Variants in GALNT2 observed in about 807,000 individuals in gnomAD.
The protein encoded by GALNT2 is UDP-GalNAc:polypeptide N-acetylgalactosaminyltransferase 2.
Under a neutral mutation model 81.4 loss-of-function variants are expected in GALNT2, and 31 were observed. The observed-to-expected ratio is 0.38, with a 90% confidence interval of 0.29 to 0.51. The LOEUF (loss-of-function observed/expected upper bound fraction) is 0.51. GALNT2 is among the 20% of genes least tolerant of loss of function. The pLI is 0.87. For synonymous variants in GALNT2, 303 were observed against 287.4 expected (o/e 1.05, Z -0.55); for missense variants, 629 against 765.7 (o/e 0.82, Z 2.11).
chr1:230,152,307 C>G (rs1662116020), intron 1 of GALNT2, among the ~76,000 whole-genome samples: 1 of 152,176 alleles, frequency 6.6e-6, no homozygotes, highest in South Asian at 2.1e-4. Context: ...GGCTTGGAAC[C>G]ATGGCCTGTA....
chr1:230,189,876 T>C (rs1663461136), intron 2 of GALNT2, among the ~76,000 whole-genome samples: 1 of 152,242 alleles, frequency 6.6e-6, no homozygotes, highest in Non-Finnish European at 1.5e-5. Flanking sequence ...GTCCCTCATA[T>C]GAGTGCAGCC....
Position 230,243,576 on chromosome 1 carries a change from A to AT in GALNT2, c.729+149_729+150insT. On this transcript the variant is annotated intron_variant, in intron 7 of 15. Coordinates refer to ENST00000366672, the MANE Select transcript of GALNT2 (RefSeq NM_004481.5). The surrounding 1 kb of genome is among the most constrained non-coding windows in gnomAD (Gnocchi z 4.2). ...CTCGCCGTCTGCAGTTTTCCTTGAT[A>AT]GAAGGAAAATGCCTTTGGGGCATTG... 3 of 1,010,996 alleles carry AT rather than the reference A, an allele frequency of 3.0e-6. No homozygotes were observed. The highest frequency in any genetic ancestry group is 4.1e-6 in the Non-Finnish European group (3 of 730,382). 62.6% of individuals were successfully genotyped at this position (1,010,996 alleles called of 1,614,324 possible).
At chr1:230,138,960 T>C (rs1661641387) in intron 1 of GALNT2, among the ~76,000 whole-genome samples, 1 of 152,302 alleles carries the variant, frequency 6.6e-6, no homozygotes, top group African/African-American at 2.4e-5. Flanking sequence ...TCTTATCCTG[T>C]GACTGAGAAC....
chr1:230,269,237 G>C (rs1356261601), intron 14 of GALNT2, among the ~76,000 whole-genome samples: 1 of 147,814 alleles, frequency 6.8e-6, no homozygotes, highest in African/African-American at 2.5e-5. Context: ...CCAGGCTGGA[G>C]TGCAGTGGTG....
rs117178945 is a variant in GALNT2, at chr1:230,158,372, T to C, written c.127-19846T>C. Among the ~76,000 whole-genome samples, 75 of 152,366 alleles carry C rather than the reference T, an allele frequency of 4.9e-4. No homozygotes were observed. The East Asian group carries it at 0.014, about 28-fold the overall frequency. ...AGCTTAGACCTGATTACATTATATA[T>C]GCACTGTCTTTTCTCAGAGATGGGG... On this transcript the variant is annotated intron_variant, in intron 1 of 15. Coordinates refer to ENST00000366672, the MANE Select transcript of GALNT2 (RefSeq NM_004481.5).
intron 3 of GALNT2, among the ~76,000 whole-genome samples, chr1:230,226,310 T>C (rs1664707751): frequency 2.0e-5 from 3 of 152,230 alleles, no homozygotes; most frequent in Non-Finnish European, 1.5e-5. Flanking sequence ...ATTCACCGCC[T>C]CTATTGCATC....
intron 2 of GALNT2, among the ~76,000 whole-genome samples, chr1:230,194,052 A>C (rs1169681091): frequency 1.3e-5 from 2 of 152,186 alleles, no homozygotes; most frequent in Non-Finnish European, 2.9e-5. Flanking sequence ...ACCAGGAAAA[A>C]ACAGATTCTG....
At chr1:230,187,317 C>G (rs187205272) in intron 2 of GALNT2, among the ~76,000 whole-genome samples, 1 of 152,368 alleles carries the variant, frequency 6.6e-6, no homozygotes, top group Non-Finnish European at 1.5e-5. Flanking sequence ...TATTGCCGTA[C>G]AGATTTATTG....
chr1:230,246,300 G>T, intron 8 of GALNT2, 150 bp downstream of exon 8: 1 of 647,454 alleles, frequency 1.5e-6, no homozygotes, highest in Non-Finnish European at 2.8e-6. Context: ...TGCTTAACGA[G>T]TAGGACTTCA....
intron 3 of GALNT2, among the ~76,000 whole-genome samples, chr1:230,224,351 G>A (rs908052376): frequency 6.6e-6 from 1 of 152,228 alleles, no homozygotes; most frequent in African/African-American, 2.4e-5. Flanking sequence ...TAGTCTCTCT[G>A]AAATGACTCT....
intron 3 of GALNT2, among the ~76,000 whole-genome samples, chr1:230,225,305 A>T (rs150003348): frequency 0.048 from 7,373 of 152,286 alleles, 211 homozygotes; most frequent in Non-Finnish European, 0.064. Context: ...TTCTGTAGAC[A>T]CCATAGCAAC....
At chr1:230,081,126 A>G (rs1659714645) in intron 1 of GALNT2, among the ~76,000 whole-genome samples, 1 of 152,066 alleles carries the variant, frequency 6.6e-6, no homozygotes, top group Non-Finnish European at 1.5e-5. Flanking sequence ...TGTCATTCCT[A>G]GGTAGGTGGG....
chr1:230,256,190 G>A (rs1252695536), intron 11 of GALNT2, among the ~76,000 whole-genome samples: 1 of 152,122 alleles, frequency 6.6e-6, no homozygotes, highest in Non-Finnish European at 1.5e-5. Flanking sequence ...TGTAATCCCA[G>A]CGTTGCGGGA....
At chr1:230,267,804 T>C (rs1279122159) in intron 14 of GALNT2, among the ~76,000 whole-genome samples, 1 of 152,140 alleles carries the variant, frequency 6.6e-6, no homozygotes, top group East Asian at 1.9e-4. Context: ...CCCCACCGTG[T>C]CCATGCTTCT....
chr1:230,156,606 C>T (rs544872280), intron 1 of GALNT2, among the ~76,000 whole-genome samples: 6 of 152,248 alleles, frequency 3.9e-5, no homozygotes, highest in Admixed American at 3.3e-4. Context: ...TTTTTTGGCC[C>T]TTAAACTATC....
chr1:230,164,072 A>T (rs1465006667), intron 1 of GALNT2, among the ~76,000 whole-genome samples: 1 of 152,160 alleles, frequency 6.6e-6, no homozygotes, highest in Non-Finnish European at 1.5e-5. Flanking sequence ...AAGGGGTATT[A>T]AATACCATAC....
intron 1 of GALNT2, among the ~76,000 whole-genome samples, chr1:230,084,781 G>A (rs546278766): frequency 4.6e-5 from 7 of 152,148 alleles, no homozygotes; most frequent in African/African-American, 7.2e-5. Context: ...TGGGATCTGC[G>A]TGCTGAGTCT....
upstream of GALNT2, chr1:230,057,925 C>A: frequency 2.4e-6 from 1 of 421,288 alleles, no homozygotes; most frequent in Non-Finnish European, 4.9e-6. Context: ...AAGTGTCGTC[C>A]GGGGCTAGGA....
At chr1:230,095,288 ACC>A (rs1424662442) in intron 1 of GALNT2, among the ~76,000 whole-genome samples, 1 of 152,118 alleles carries the variant, frequency 6.6e-6, no homozygotes, top group Non-Finnish European at 1.5e-5. Context: ...CTGACCATGT[ACC>A]CCCTGCTTTC....
Sources: gnomAD v4.1 joint callset for allele counts (sites outside exome capture counted in the v4.1 genomes callset) on GRCh38, gnomAD v4.1.1 for gene constraint, Gnocchi (gnomAD v3.1) non-coding constraint, MANE v1.5 for transcripts, NCBI Gene and HGNC (gene_info 2026-07-23, HGNC 2026-07-21) for gene names.